Variants in HK2 observed in about 807,000 individuals in gnomAD.
HK2 encodes hexokinase-2.
A neutral mutation model predicts 92.9 loss-of-function variants in HK2; 42 were observed. That is an observed-to-expected ratio of 0.45 (90% CI 0.35 to 0.58). The LOEUF (loss-of-function observed/expected upper bound fraction) is 0.58. Ranked by LOEUF, HK2 falls within the 20% of genes least tolerant of loss-of-function variation. The probability of loss-of-function intolerance (pLI) is 0.00; values close to 1 mark genes in which losing one functional copy is unlikely to be tolerated. For synonymous variants in HK2, 422 were observed against 468.0 expected (o/e 0.90, Z 1.27); for missense variants, 978 against 1,245.1 (o/e 0.79, Z 3.23).
At chr2:74,887,260 C>T (rs1689561484) in intron 15 of HK2, among the ~76,000 whole-genome samples, 2 of 152,158 alleles carry the variant, frequency 1.3e-5, no homozygotes, top group Admixed American at 1.3e-4. Context: ...GACTAAAATG[C>T]CTCTAGGGGC....
At chr2:74,859,495 G>A (rs1458923799) in intron 2 of HK2, among the ~76,000 whole-genome samples, 1 of 152,148 alleles carries the variant, frequency 6.6e-6, no homozygotes, top group African/African-American at 2.4e-5. Context: ...GATCATCCTG[G>A]CTAACACGGT....
chr2:74,846,436 T>C (rs1688438783), intron 1 of HK2, among the ~76,000 whole-genome samples: 1 of 152,226 alleles, frequency 6.6e-6, no homozygotes, highest in Non-Finnish European at 1.5e-5. Context: ...CGTGTTCTCC[T>C]ACCCACCACC....
Position 74,874,793 on chromosome 2 carries a change from G to A in HK2, c.875+344G>A, listed in dbSNP as rs149671103. Among the ~76,000 whole-genome samples, 434 of 152,274 alleles carry A rather than the reference G, an allele frequency of 2.9e-3. 1 individual carries two copies. Among genetic ancestry groups the A allele is most frequent in the South Asian group, 7.7e-3 (37 of 4,828 alleles). ...CACCTAAGGAAAGTTGTGTTGAGGTGGCCAAGATTGGGGTCTCTGAAAGCT... is the reference window on the plus strand; with the variant it reads ...CACCTAAGGAAAGTTGTGTTGAGGTAGCCAAGATTGGGGTCTCTGAAAGCT... On this transcript the variant is annotated intron_variant, in intron 7 of 17. Transcript: ENST00000290573.
chr2:74,873,134 G>A, intron 4 of HK2, 142 bp from the exon 5 acceptor site: 1 of 743,820 alleles, frequency 1.3e-6, no homozygotes. Context: ...TTTTTCCTAG[G>A]CTAGCCAGGA....
chr2:74,882,028 GGAAA>G (rs993176278), intron 11 of HK2, 88 bp from the exon 12 acceptor site: 31 of 1,465,276 alleles, frequency 2.1e-5, no homozygotes, highest in Admixed American at 5.0e-5. Context: ...TCTTCTGGGT[GGAAA>G]GAAACATTGA....
chr2:74,882,687 A>C (rs572610182), intron 12 of HK2, among the ~76,000 whole-genome samples: 2 of 146,054 alleles, frequency 1.4e-5, no homozygotes, highest in South Asian at 4.4e-4. Flanking sequence ...TATCTCGTTT[A>C]ACCCTCACAG....
intron 1 of HK2, among the ~76,000 whole-genome samples, chr2:74,837,847 T>C (rs1280491481): frequency 2.0e-5 from 3 of 152,062 alleles, no homozygotes; most frequent in Non-Finnish European, 2.9e-5. Flanking sequence ...AGCTATTTTT[T>C]GTATTTTTAG....
chr2:74,868,320 C>T (rs184563131), intron 3 of HK2, among the ~76,000 whole-genome samples: 428 of 152,188 alleles, frequency 2.8e-3, no homozygotes, highest in Non-Finnish European at 4.4e-3. Context: ...TCCAGTATAA[C>T]GTCAGGAGGG....
rs756042997 is a variant in HK2 at position 74,889,237 on chromosome 2, C to T, written c.2376-8C>T. The T allele has an allele frequency of 4.3e-6, 7 of 1,609,870 alleles. No individual in the cohort carries two copies. Among genetic ancestry groups the T allele is most frequent in the Non-Finnish European group, 5.9e-6 (7 of 1,177,192 alleles). On this transcript the variant is annotated splice_polypyrimidine_tract_variant and splice_region_variant and intron_variant, in intron 16 of 17. Coordinates refer to ENST00000290573, the MANE Select transcript of HK2 (RefSeq NM_000189.5). ...GACTGAACACTTGCTGTCTCCCTCC[C>T]ACCCCAGTGACTGCCTGGCCCTGCT...
intron 11 of HK2, 106 bp from the exon 12 acceptor site, chr2:74,882,014 C>A: frequency 7.0e-7 from 1 of 1,436,978 alleles, no homozygotes; most frequent in Non-Finnish European, 9.8e-7. Context: ...CCTGAGCCTG[C>A]ATTTCTTCTG....
intron 1 of HK2, among the ~76,000 whole-genome samples, chr2:74,851,701 G>A (rs531244133): frequency 6.6e-6 from 1 of 152,210 alleles, no homozygotes; most frequent in South Asian, 2.1e-4. Flanking sequence ...AAGCTTCTGG[G>A]CCTCTCTTCT....
chr2:74,861,406 T>C (rs1688822523), intron 2 of HK2, among the ~76,000 whole-genome samples: 1 of 146,720 alleles, frequency 6.8e-6, no homozygotes. Flanking sequence ...GGCGACAGAG[T>C]GAGACTCCGA....
chr2:74,882,260 G>T, intron 12 of HK2, 21 bp downstream of exon 12: 2 of 1,613,758 alleles, frequency 1.2e-6, no homozygotes, highest in Non-Finnish European at 1.7e-6. Flanking sequence ...CTTCCTGGAG[G>T]GCTCTCCTGT....
intron 16 of HK2, 70 bp from the exon 17 acceptor site, chr2:74,889,175 G>T: frequency 1.5e-6 from 2 of 1,293,528 alleles, no homozygotes; most frequent in Non-Finnish European, 1.1e-6. Context: ...AAGGACTCAG[G>T]CCCTGGTGTG....
intron 2 of HK2, among the ~76,000 whole-genome samples, chr2:74,855,642 G>A (rs373377060): frequency 6.6e-6 from 1 of 152,224 alleles, no homozygotes; most frequent in African/African-American, 2.4e-5. Flanking sequence ...TTAGGGCTAG[G>A]TCACTGAAGG....
chr2:74,891,058 C>A lies in HK2; in HGVS notation c.*117C>A, dbSNP rs541801414. On this transcript the variant is annotated 3_prime_UTR_variant, in exon 18 of 18. Transcript: ENST00000290573. ...CTTGGCTTTTGCTTGGCAGAGAGGA[C>A]CCCACTGGACTGGGTTTTGTCTCTG... The A allele has an allele frequency of 4.2e-4, 503 of 1,208,416 alleles. 7 individuals carry two copies. In the South Asian group the frequency reaches 5.9e-3, roughly 14 times the overall value. The allele number at this position is 1,208,416 out of a possible 1,614,324, so 74.9% of individuals were successfully genotyped here.
chr2:74,857,556 C>CA (rs1252750398), intron 2 of HK2, among the ~76,000 whole-genome samples: 1 of 152,112 alleles, frequency 6.6e-6, no homozygotes, highest in Non-Finnish European at 1.5e-5. Flanking sequence ...CAGAGAGAAT[C>CA]AATCACCTGA....
At chr2:74,840,486 G>A (rs573623924) in intron 1 of HK2, among the ~76,000 whole-genome samples, 33 of 152,084 alleles carry the variant, frequency 2.2e-4, no homozygotes, top group Admixed American at 7.2e-4. Flanking sequence ...TTGATAAGAC[G>A]TTCCTCATTA....
At chr2:74,841,340 A>G (rs995256359) in intron 1 of HK2, among the ~76,000 whole-genome samples, 20 of 151,792 alleles carry the variant, frequency 1.3e-4, no homozygotes, top group Admixed American at 9.9e-4. Context: ...TCTAGTAAGC[A>G]GAGGCTAGGA....
Sources: gnomAD v4.1 joint callset for allele counts (sites outside exome capture counted in the v4.1 genomes callset) on GRCh38, gnomAD v4.1.1 for gene constraint, MANE v1.5 for transcripts, NCBI Gene and HGNC (gene_info 2026-07-23, HGNC 2026-07-21) for gene names.